LDLRAD4: variants seen among roughly 807,000 people sequenced by gnomAD.
The protein encoded by LDLRAD4 is low density lipoprotein receptor class A domain containing 4.
In LDLRAD4, 5 loss-of-function variants were observed where a neutral mutation model predicts 17.0. The observed-to-expected ratio is 0.29, with a 90% CI of 0.15 to 0.62. The LOEUF is 0.62. Ranked by LOEUF, LDLRAD4 falls within the 20% of genes least tolerant of loss-of-function variation. LDLRAD4 has a pLI of 0.84. For missense variants in LDLRAD4, 340 were observed against 424.7 expected (o/e 0.80, Z 1.75); for synonymous variants, 168 against 171.8 (o/e 0.98, Z 0.17).
At chr18:13,542,421 G>C (rs2094297815) in intron 3 of LDLRAD4, 1 of 152,456 alleles carries the variant, frequency 6.6e-6, no homozygotes, top group Non-Finnish European at 1.5e-5. Context: ...TCTCTCCAGA[G>C]GACCTTTCCT....
intron 1 of LDLRAD4, among the ~76,000 whole-genome samples, chr18:13,301,472 C>T (rs1335954130): frequency 1.3e-5 from 2 of 152,074 alleles, no homozygotes; most frequent in Non-Finnish European, 2.9e-5. Flanking sequence ...AGAGCTCTGG[C>T]TCTGCATTCT....
Position 13,378,379 on chromosome 18 carries a change from C to G in LDLRAD4, c.-382-8962C>G, listed in dbSNP as rs140636718. On this transcript the variant is annotated intron_variant, in intron 1 of 5. Coordinates refer to ENST00000359446, the Ensembl canonical transcript of LDLRAD4. ...TCAGAAGGGTGGTTTGTTGCCCTCT[C>G]TGTGCCATCTTTCGTTCTCAGGGCT... is the stretch of plus-strand genomic sequence containing the variant. Among the ~76,000 whole-genome samples the G allele has an allele frequency of 4.8e-4, 73 of 152,244 alleles. 1 individual carries two copies. The highest frequency in any genetic ancestry group is 6.8e-3 in the Middle Eastern group (2 of 294).
At chr18:13,264,889 A>G (rs1400865110) in intron 1 of LDLRAD4, among the ~76,000 whole-genome samples, 1 of 152,238 alleles carries the variant, frequency 6.6e-6, no homozygotes, top group Non-Finnish European at 1.5e-5. Context: ...AGGATTCGCA[A>G]CTGGCCTATA....
intron 1 of LDLRAD4, among the ~76,000 whole-genome samples, chr18:13,281,347 C>A (rs1280221725): frequency 6.6e-6 from 1 of 152,202 alleles, no homozygotes; most frequent in Non-Finnish European, 1.5e-5. Flanking sequence ...TATGATCATG[C>A]CACTGCACTC....
intron 1 of LDLRAD4, among the ~76,000 whole-genome samples, chr18:13,266,478 C>G (rs1290723890): frequency 6.6e-6 from 1 of 152,244 alleles, no homozygotes; most frequent in East Asian, 1.9e-4. Context: ...CCTTTCCTTT[C>G]TGGCATGGGG....
chr18:13,319,995 CTA>C (rs1364734444), intron 1 of LDLRAD4, among the ~76,000 whole-genome samples: 1 of 152,194 alleles, frequency 6.6e-6, no homozygotes, highest in African/African-American at 2.4e-5. Context: ...AACCAAAAAA[CTA>C]TGTGTGGCCT....
chr18:13,295,481 A>G (rs546334274), intron 1 of LDLRAD4, among the ~76,000 whole-genome samples: 2 of 152,338 alleles, frequency 1.3e-5, no homozygotes, highest in African/African-American at 2.4e-5. Flanking sequence ...AGTCAGCTGC[A>G]TCGTGCATGT....
At chr18:13,333,929 C>T (rs73421313) in intron 1 of LDLRAD4, among the ~76,000 whole-genome samples, 1,880 of 152,246 alleles carry the variant, frequency 0.012, 18 homozygotes, top group African/African-American at 0.034. Flanking sequence ...TTTGTTGATT[C>T]CCACAAAATA....
intron 5 of LDLRAD4, among the ~76,000 whole-genome samples, chr18:13,643,909 C>CGT (rs988621470): frequency 4.6e-5 from 7 of 151,746 alleles, no homozygotes; most frequent in South Asian, 2.1e-4. Flanking sequence ...TGCATATATG[C>CGT]GTGTGTGTGT....
intron 4 of LDLRAD4, among the ~76,000 whole-genome samples, chr18:13,630,044 C>T (rs1037919535): frequency 5.3e-5 from 8 of 152,066 alleles, no homozygotes; most frequent in Non-Finnish European, 1.0e-4. Flanking sequence ...TTTCTCATTC[C>T]CAGGCTGATT....
intron 3 of LDLRAD4, among the ~76,000 whole-genome samples, chr18:13,525,718 G>A (rs563512266): frequency 1.3e-5 from 2 of 152,358 alleles, no homozygotes; most frequent in Admixed American, 6.5e-5. Flanking sequence ...ACTCCCGCTT[G>A]CCTGCGCCTG....
At chr18:13,624,929 CTTTCCAGTTAT>C (rs1023739473) in intron 4 of LDLRAD4, among the ~76,000 whole-genome samples, 4 of 152,190 alleles carry the variant, frequency 2.6e-5, no homozygotes, top group African/African-American at 9.7e-5. Flanking sequence ...CTCATGGCTT[CTTTCCAGTTAT>C]CAGGGCCCCT....
intron 1 of LDLRAD4, among the ~76,000 whole-genome samples, chr18:13,358,554 A>G (rs2083474665): frequency 6.6e-6 from 1 of 152,182 alleles, no homozygotes; most frequent in African/African-American, 2.4e-5. Context: ...AAAATGTGAT[A>G]AATAAAATTT....
At chr18:13,393,114 C>T (rs908492398) in intron 2 of LDLRAD4, among the ~76,000 whole-genome samples, 4 of 152,024 alleles carry the variant, frequency 2.6e-5, no homozygotes, top group South Asian at 4.1e-4. Context: ...ACAGACCTTC[C>T]GCGCATTCCT....
chr18:13,589,572 C>A (rs541069535), intron 3 of LDLRAD4, among the ~76,000 whole-genome samples: 2 of 152,294 alleles, frequency 1.3e-5, no homozygotes, highest in South Asian at 4.1e-4. Context: ...ACACAGGAGT[C>A]AGCCCTGGAT....
intron 4 of LDLRAD4, among the ~76,000 whole-genome samples, chr18:13,638,585 C>A (rs1313714135): frequency 6.6e-6 from 1 of 152,230 alleles, no homozygotes; most frequent in Non-Finnish European, 1.5e-5. Context: ...TCGTAAGCAT[C>A]CTGGGGCAGG....
chr18:13,546,426 T>G (rs142607142), intron 3 of LDLRAD4, among the ~76,000 whole-genome samples: 78 of 138,146 alleles, frequency 5.6e-4, no homozygotes, highest in African/African-American at 2.0e-3. Flanking sequence ...TGGAGTGCAG[T>G]GGTGCAATCA....
chr18:13,601,054 T>G (rs1175039528), intron 3 of LDLRAD4, among the ~76,000 whole-genome samples: 1 of 152,192 alleles, frequency 6.6e-6, no homozygotes, highest in African/African-American at 2.4e-5. Flanking sequence ...CTCCTAACCC[T>G]TTGGCTTCTG....
intron 1 of LDLRAD4, among the ~76,000 whole-genome samples, chr18:13,380,840 C>A (rs1414763103): frequency 2.6e-5 from 4 of 152,154 alleles, no homozygotes; most frequent in Non-Finnish European, 5.9e-5. Flanking sequence ...AACAAGTAAC[C>A]AGATCCCACT....
Sources: allele counts gnomAD v4.1 joint callset (sites outside exome capture counted in the v4.1 genomes callset), GRCh38; gene constraint gnomAD v4.1.1; transcripts MANE v1.5; gene names NCBI Gene and HGNC (gene_info 2026-07-23, HGNC 2026-07-21).